Variants in SIK3 observed in about 807,000 individuals in gnomAD.
The protein encoded by SIK3 is serine/threonine-protein kinase SIK3.
A neutral mutation model predicts 144.2 loss-of-function variants in SIK3; 28 were observed. The ratio of observed to expected loss-of-function variants is 0.19; its 90% confidence interval spans 0.14 to 0.27. The LOEUF (loss-of-function observed/expected upper bound fraction) is 0.27, where lower values mean the gene tolerates loss of function less well. SIK3 is among the 10% of genes least tolerant of loss of function. The pLI, the probability that SIK3 is intolerant of heterozygous loss-of-function variation, is 1.00. For missense variants in SIK3, 1,319 were observed against 1,776.0 expected, an observed-to-expected ratio of 0.74 and a Z score of 4.62; for synonymous variants, 686 against 676.3, an observed-to-expected ratio of 1.01 and a Z score of -0.22.
Position 116,873,999 on chromosome 11 carries a change from G to C in SIK3, c.1485C>G (p.Pro495=), listed in dbSNP as rs563765636. 91 of 1,614,104 alleles carry C rather than the reference G, an allele frequency of 5.6e-5. No homozygotes were observed. The highest frequency in any genetic ancestry group is 6.8e-6 in the Non-Finnish European group (8 of 1,180,002). Residue 495 remains proline, a synonymous_variant, in exon 12 of 25, where the codon CCC becomes CCG. Transcript: ENST00000445177. ...GGGCCACCTGCAGGAATGGAGCCTG[G>C]GGGTTGACTCCAGGAAAGCCAGGTA... ...KLLPGFPGVN[P]QAPFLQVAPN... is the part of the protein sequence containing the mutation.
rs369139699 is a variant in SIK3 at position 116,876,969 on chromosome 11, C to T, written c.939G>A (p.Lys313=). The T allele has an allele frequency of 3.7e-6, 6 of 1,614,176 alleles. No homozygotes were observed. The highest frequency in any genetic ancestry group is 5.1e-6 in the Non-Finnish European group (6 of 1,180,018). ...NKRLSMEQIC[K]HKWMKLGDAD... The stretch of plus-strand genomic sequence containing the variant: ...CGTCCCCTAGCTTCATCCACTTGTG[C>T]TTGCAGATCTGCTCCATGGAGAGGC... Residue 313 remains lysine, a synonymous_variant, in exon 7 of 25, where the codon AAG becomes AAA. Coordinates refer to ENST00000445177, the MANE Select transcript of SIK3 (RefSeq NM_001366686.3).
rs191918570 is a variant in SIK3, at chr11:116,951,973, A to C, written c.454+2071T>G. On this transcript the variant is annotated intron_variant, in intron 3 of 24. Coordinates refer to ENST00000445177, the MANE Select transcript of SIK3 (RefSeq NM_001366686.3). ...AAATAAATAAATAAATAAATAAATA[A>C]ATAAATAAATAAAATCTGCTTTCTT... Among the ~76,000 whole-genome samples the C allele has an allele frequency of 1.4e-3, 212 of 149,504 alleles. 2 individuals carry two copies. Among genetic ancestry groups the C allele is most frequent in the African/African-American group, 4.8e-3 (191 of 39,412 alleles).
At chr11:116,971,057 C>T (rs1200289860) in intron 1 of SIK3, among the ~76,000 whole-genome samples, 1 of 152,152 alleles carries the variant, frequency 6.6e-6, no homozygotes. Flanking sequence ...TTTCTTTCCT[C>T]AATTAAATAC....
chr11:116,933,881 G>A (rs1393011429), intron 3 of SIK3, among the ~76,000 whole-genome samples: 6 of 152,060 alleles, frequency 3.9e-5, no homozygotes, highest in Admixed American at 3.9e-4. Context: ...TGGCTCTTTT[G>A]TTCTACTATA....
intron 1 of SIK3, among the ~76,000 whole-genome samples, chr11:117,049,429 T>C (rs958451582): frequency 6.6e-6 from 1 of 151,128 alleles, no homozygotes; most frequent in Non-Finnish European, 1.5e-5. Context: ...AATACAAAAA[T>C]TACCCAAGCA....
At chr11:117,023,621 A>ATATATATATATATAT (rs1555131640) in intron 1 of SIK3, among the ~76,000 whole-genome samples, 16 of 95,412 alleles carry the variant, frequency 1.7e-4, no homozygotes, top group African/African-American at 4.8e-4. Flanking sequence ...AAAAAAAAAA[A>ATATATATATATATAT]ATATATATAT....
intron 1 of SIK3, among the ~76,000 whole-genome samples, chr11:117,052,229 G>T (rs1565596883): frequency 6.6e-6 from 1 of 152,254 alleles, no homozygotes; most frequent in East Asian, 1.9e-4. Flanking sequence ...CTAAAACTTG[G>T]AACTTTCCTT....
chr11:117,082,581 C>T (rs1031525311), intron 1 of SIK3, among the ~76,000 whole-genome samples: 2 of 152,032 alleles, frequency 1.3e-5, no homozygotes, highest in East Asian at 1.9e-4. Context: ...TGACGTAAAT[C>T]GATAAAAATT....
chr11:117,060,458 G>A (rs553651861), intron 1 of SIK3, among the ~76,000 whole-genome samples: 44 of 152,200 alleles, frequency 2.9e-4, no homozygotes, highest in African/African-American at 1.0e-3. Flanking sequence ...TTAGCCAGGC[G>A]TGGTGGCGCA....
chr11:116,864,333 G>A (rs11821073), intron 15 of SIK3: 12,429 of 152,498 alleles, frequency 0.082, 1,662 homozygotes, highest in African/African-American at 0.28. Context: ...AGAAGGTGGC[G>A]ATTGGGGTGG....
chr11:117,014,921 G>A (rs537854121), intron 1 of SIK3, among the ~76,000 whole-genome samples: 15 of 152,040 alleles, frequency 9.9e-5, no homozygotes, highest in African/African-American at 2.2e-4. Flanking sequence ...AAAATTAGCC[G>A]ATCACGATAG....
At chr11:116,982,742 T>G (rs1028934678) in intron 1 of SIK3, among the ~76,000 whole-genome samples, 4 of 150,644 alleles carry the variant, frequency 2.7e-5, no homozygotes, top group African/African-American at 9.8e-5. Context: ...GATCACAAGG[T>G]CAAGACATCA....
chr11:116,870,945 T>C (rs1308577733), intron 13 of SIK3, among the ~76,000 whole-genome samples: 1 of 152,176 alleles, frequency 6.6e-6, no homozygotes, highest in Non-Finnish European at 1.5e-5. Context: ...AGAAGATTGT[T>C]TACCTGAAAT....
chr11:117,096,826 C>T (rs1955496964), intron 1 of SIK3, among the ~76,000 whole-genome samples: 1 of 151,996 alleles, frequency 6.6e-6, no homozygotes, highest in African/African-American at 2.4e-5. Flanking sequence ...GAAAACAAGC[C>T]ACTGCCAAAA....
chr11:116,980,562 T>C (rs1376792135), intron 1 of SIK3, among the ~76,000 whole-genome samples: 1 of 152,090 alleles, frequency 6.6e-6, no homozygotes, highest in Non-Finnish European at 1.5e-5. Flanking sequence ...AGTTGAAAAA[T>C]CATAATCAGG....
intron 4 of SIK3, among the ~76,000 whole-genome samples, chr11:116,915,382 GA>G (rs1232636757): frequency 6.6e-6 from 1 of 152,060 alleles, no homozygotes; most frequent in African/African-American, 2.4e-5. Flanking sequence ...CTAGGATTTG[GA>G]ACACTTACAT....
rs1246528474 is a variant in SIK3, at chr11:116,859,568, G to A, written c.2462C>T (p.Ser821Phe). 9 of 1,614,108 alleles carry A rather than the reference G, an allele frequency of 5.6e-6. No individual in the cohort carries two copies. The highest frequency in any genetic ancestry group is 7.6e-6 in the Non-Finnish European group (9 of 1,179,994). Residue 821 changes from serine to phenylalanine, a missense_variant, in exon 20 of 25, where the codon TCC (serine) becomes TTC (phenylalanine). Coordinates refer to ENST00000445177, the MANE Select transcript of SIK3 (RefSeq NM_001366686.3). ...TTGCTGCTGAAAGATTGCACTGCGG[G>A]AAGGTAAGCCTTGAAACTGGGAAGA... is the stretch of plus-strand genomic sequence containing the variant. ...ASSSQFQGLP[S>F]RSAIFQQQPE...
At chr11:116,935,187 G>C (rs558827921) in intron 3 of SIK3, among the ~76,000 whole-genome samples, 64 of 152,090 alleles carry the variant, frequency 4.2e-4, no homozygotes, top group Non-Finnish European at 1.8e-4. Flanking sequence ...GTTCGAGGCT[G>C]CAGTGAGCTA....
intron 4 of SIK3, among the ~76,000 whole-genome samples, chr11:116,915,224 T>C (rs1358556753): frequency 2.0e-5 from 3 of 151,428 alleles, no homozygotes; most frequent in Admixed American, 2.0e-4. Flanking sequence ...TGGGGTCTTA[T>C]TATGTTGCCC....
Sources: allele counts gnomAD v4.1 joint callset (sites outside exome capture counted in the v4.1 genomes callset), GRCh38; gene constraint gnomAD v4.1.1; transcripts MANE v1.5; gene names NCBI Gene and HGNC (gene_info 2026-07-23, HGNC 2026-07-21).